The following PGM5 variants were observed in gnomAD, a reference collection of about 807,000 sequenced individuals.
PGM5 encodes phosphoglucomutase 5, also known as phosphoglucomutase-like protein 5.
A neutral mutation model predicts 59.2 loss-of-function variants in PGM5; 23 were observed. The observed-to-expected ratio is 0.39, with a 90% CI of 0.28 to 0.55. The LOEUF (loss-of-function observed/expected upper bound fraction) is 0.55, where lower values mean the gene tolerates loss of function less well. Among genes scored for constraint, PGM5 ranks in the 20% least tolerant of loss-of-function variants. The pLI is 0.66. For missense variants in PGM5, 574 were observed against 748.3 expected, an observed-to-expected ratio of 0.77 and a Z score of 2.72; for synonymous variants, 214 against 286.0, an observed-to-expected ratio of 0.75 and a Z score of 2.54.
chr9:68,363,988 A>T (rs549361327), intron 1 of PGM5, among the ~76,000 whole-genome samples: 1 of 152,406 alleles, frequency 6.6e-6, no homozygotes, highest in African/African-American at 2.4e-5. Flanking sequence ...ATTTGACTGT[A>T]TGTATTGAAT....
intron 4 of PGM5, among the ~76,000 whole-genome samples, chr9:68,389,900 T>C (rs1554679302): frequency 6.6e-6 from 1 of 152,140 alleles, no homozygotes; most frequent in East Asian, 1.9e-4. Context: ...TCACCAATAC[T>C]TGGTACTGTC....
chr9:68,483,830 T>C (rs1554687331), intron 8 of PGM5, 35 bp from the exon 9 acceptor site: 2 of 1,600,600 alleles, frequency 1.2e-6, no homozygotes, highest in Non-Finnish European at 8.6e-7. Flanking sequence ...GCTGGTTCTC[T>C]GATTAGGTTT....
intron 6 of PGM5, among the ~76,000 whole-genome samples, chr9:68,420,769 G>A (rs1823114577): frequency 6.6e-6 from 1 of 152,108 alleles, no homozygotes; most frequent in Non-Finnish European, 1.5e-5. Context: ...AGGAATCTGG[G>A]ATGTCATACC....
intron 9 of PGM5, among the ~76,000 whole-genome samples, chr9:68,496,524 G>A (rs1438793629): frequency 6.6e-6 from 1 of 152,208 alleles, no homozygotes; most frequent in African/African-American, 2.4e-5. Flanking sequence ...AAAGAGGGAA[G>A]ATGCTGGACC....
chr9:68,491,895 G>A (rs1824397493), intron 9 of PGM5, among the ~76,000 whole-genome samples: 1 of 152,120 alleles, frequency 6.6e-6, no homozygotes, highest in Non-Finnish European at 1.5e-5. Flanking sequence ...CTGGTTAGTC[G>A]GGAAGTTCTC....
chr9:68,529,660 G>A lies in PGM5; in HGVS notation c.*4G>A. ...GGGACCCACTGTCATCACCTGAATA[G>A]AGGAAAGATCACTCACCAGGGCCAA... On this transcript the variant is annotated 3_prime_UTR_variant, in exon 11 of 11. Coordinates refer to ENST00000396396, the MANE Select transcript of PGM5 (RefSeq NM_021965.4). 6.3e-7 allele frequency: 1 copy of A among 1,576,650 alleles called. No homozygotes were observed. Among genetic ancestry groups the A allele is most frequent in the South Asian group, 1.1e-5 (1 of 87,278 alleles).
At chr9:68,407,768 T>C (rs1455269033) in intron 6 of PGM5, among the ~76,000 whole-genome samples, 2 of 152,198 alleles carry the variant, frequency 1.3e-5, no homozygotes, top group Admixed American at 1.3e-4. Flanking sequence ...GTTCATTTTA[T>C]AACCTGTTTA....
At chr9:68,434,458 T>A (rs1287452549) in intron 6 of PGM5, among the ~76,000 whole-genome samples, 1 of 152,174 alleles carries the variant, frequency 6.6e-6, no homozygotes, top group Non-Finnish European at 1.5e-5. Flanking sequence ...TGCAAAATAT[T>A]ATTTGTAAAT....
intron 6 of PGM5, among the ~76,000 whole-genome samples, chr9:68,422,813 T>C (rs1554682438): frequency 6.6e-6 from 1 of 152,208 alleles, no homozygotes; most frequent in African/African-American, 2.4e-5. Flanking sequence ...GAGATTTTGG[T>C]GCACCCATCA....
At chr9:68,372,429 G>A (rs1415364601) in intron 1 of PGM5, among the ~76,000 whole-genome samples, 3 of 152,006 alleles carry the variant, frequency 2.0e-5, no homozygotes, top group African/African-American at 4.8e-5. Flanking sequence ...GATGGAAGTG[G>A]CCCAAATTAA....
chr9:68,406,710 A>G lies in PGM5; in HGVS notation c.1043+14237A>G, dbSNP rs1219208946. ...TATATATATATATATATATATATATATATATATATATATATGTATATAGTG... is the reference window on the plus strand; with the variant it reads ...TATATATATATATATATATATATATGTATATATATATATATGTATATAGTG... On this transcript the variant is annotated intron_variant, in intron 6 of 10. Transcript: ENST00000396396. Among the ~76,000 whole-genome samples, 27 of 81,316 alleles carry G rather than the reference A, an allele frequency of 3.3e-4. 6 individuals carry two copies. Among genetic ancestry groups the G allele is most frequent in the Admixed American group, 5.3e-4 (4 of 7,572 alleles). 53.3% of individuals were successfully genotyped at this position (81,316 alleles called of 152,430 possible).
intron 1 of PGM5, among the ~76,000 whole-genome samples, 162 bp downstream of exon 1, chr9:68,357,550 G>A (rs1834483788): frequency 6.6e-6 from 1 of 152,134 alleles, no homozygotes; most frequent in African/African-American, 2.4e-5. Flanking sequence ...CACTCCCGCC[G>A]CGCTCGCAGC....
chr9:68,497,881 C>T (rs1824506148), intron 9 of PGM5: 1 of 152,176 alleles, frequency 6.6e-6, no homozygotes, highest in Non-Finnish European at 1.5e-5. Context: ...ATCTTATGGT[C>T]ATAATTTTAC....
At chr9:68,512,186 A>C (rs996308281) in intron 10 of PGM5, among the ~76,000 whole-genome samples, 18 of 152,204 alleles carry the variant, frequency 1.2e-4, no homozygotes, top group African/African-American at 4.1e-4. Context: ...GGGCTTGAAC[A>C]CTGGAGTGGG....
intron 6 of PGM5, among the ~76,000 whole-genome samples, chr9:68,401,357 T>A (rs1822662052): frequency 6.6e-6 from 1 of 151,632 alleles, no homozygotes; most frequent in African/African-American, 2.4e-5. Flanking sequence ...GAACCTTTTT[T>A]GGAAGTCAGC....
Position 68,469,740 on chromosome 9 carries a change from A to C in PGM5, c.1159+4532A>C, listed in dbSNP as rs115206365. ...TTTCTTTGATGAATGGTAGGCCCTA[A>C]GTAAATGCTTGTAGGATGGGTGGAA... On this transcript the variant is annotated intron_variant, in intron 7 of 10. Transcript: ENST00000396396. Among the ~76,000 whole-genome samples the C allele has an allele frequency of 4.5e-3, 685 of 152,322 alleles. 3 individuals carry two copies. Among genetic ancestry groups the C allele is most frequent in the African/African-American group, 0.016 (653 of 41,582 alleles).
At chr9:68,443,410 G>A (rs1554683801) in intron 6 of PGM5, among the ~76,000 whole-genome samples, 2 of 152,028 alleles carry the variant, frequency 1.3e-5, no homozygotes, top group Non-Finnish European at 2.9e-5. Flanking sequence ...TGATGGAAAT[G>A]TTATGTTTCC....
At chr9:68,443,524 T>C (rs7875408) in intron 6 of PGM5, among the ~76,000 whole-genome samples, 16,941 of 152,246 alleles carry the variant, frequency 0.11, 1,210 homozygotes, top group African/African-American at 0.21. Context: ...CCTTAAAATA[T>C]ATTTCAAAGC....
At chr9:68,450,702 ATATGT>A (rs1460742684) in intron 6 of PGM5, among the ~76,000 whole-genome samples, 1 of 152,212 alleles carries the variant, frequency 6.6e-6, no homozygotes, top group African/African-American at 2.4e-5. Context: ...CAGCTAGAAA[ATATGT>A]TATAAGTGAA....
Sources: gnomAD v4.1 joint callset for allele counts (sites outside exome capture counted in the v4.1 genomes callset) on GRCh38, gnomAD v4.1.1 for gene constraint, MANE v1.5 for transcripts, NCBI Gene and HGNC (gene_info 2026-07-23, HGNC 2026-07-21) for gene names.